Variants in EXD3 observed in about 807,000 individuals in gnomAD.
EXD3 encodes exonuclease mut-7 homolog.
In EXD3, 92 loss-of-function variants were observed where a neutral mutation model predicts 98.0. The ratio of observed to expected loss-of-function variants is 0.94; its 90% confidence interval spans 0.79 to 1.12. The LOEUF (loss-of-function observed/expected upper bound fraction) is 1.12, where lower values mean the gene tolerates loss of function less well. EXD3 is among the 50% of genes most tolerant of loss of function. EXD3 has a pLI of 0.00. For missense variants in EXD3, 1,222 were observed against 1,191.6 expected (o/e 1.03, Z -0.38); for synonymous variants, 569 against 526.0 (o/e 1.08, Z -1.12).
intron 2 of EXD3, among the ~76,000 whole-genome samples, chr9:137,386,644 T>A (rs1055208942): frequency 9.9e-5 from 15 of 152,022 alleles, no homozygotes; most frequent in African/African-American, 3.6e-4. Flanking sequence ...GCCTTGAGAG[T>A]CAAAGCCAGG....
At chr9:137,378,018 C>T (rs1836005710) in intron 3 of EXD3, among the ~76,000 whole-genome samples, 9 of 151,404 alleles carry the variant, frequency 5.9e-5, no homozygotes, top group Admixed American at 5.9e-4. Context: ...TGGTCTCAAA[C>T]TCCTGACCTC....
chr9:137,375,844 GA>G (rs1444807158), intron 3 of EXD3, among the ~76,000 whole-genome samples: 1 of 152,158 alleles, frequency 6.6e-6, no homozygotes, highest in African/African-American at 2.4e-5. Flanking sequence ...AGCTCACAAT[GA>G]AAACTTAGAA....
intron 19 of EXD3, among the ~76,000 whole-genome samples, chr9:137,321,677 C>T (rs762244158): frequency 3.9e-5 from 6 of 152,116 alleles, no homozygotes; most frequent in African/African-American, 4.8e-5. Context: ...AGTGAGACTC[C>T]GTCCCACCCC....
intron 3 of EXD3, among the ~76,000 whole-genome samples, chr9:137,374,100 C>T (rs183370973): frequency 4.6e-5 from 7 of 152,386 alleles, no homozygotes; most frequent in South Asian, 4.1e-4. Flanking sequence ...CTCTGGCTTC[C>T]GGAAGATTCT....
intron 4 of EXD3, 27 bp downstream of exon 4, chr9:137,373,399 T>A: frequency 6.3e-7 from 1 of 1,597,746 alleles, no homozygotes; most frequent in South Asian, 1.1e-5. Flanking sequence ...GGAAGGGAGG[T>A]GACTGTCACA....
chr9:137,308,868 A>G (rs1223559215), intron 20 of EXD3, among the ~76,000 whole-genome samples: 1 of 151,870 alleles, frequency 6.6e-6, no homozygotes, highest in African/African-American at 2.4e-5. Context: ...GATGGTCTCA[A>G]TCTCCTGATC....
chr9:137,317,883 G>T (rs1187147806), intron 19 of EXD3, among the ~76,000 whole-genome samples: 2 of 152,192 alleles, frequency 1.3e-5, no homozygotes, highest in Non-Finnish European at 2.9e-5. Flanking sequence ...CGCCACCTTA[G>T]GAGCAGGGAG....
chr9:137,349,539 G>C lies in EXD3; in HGVS notation c.1495-8C>G. 2 of 1,575,238 alleles carry C rather than the reference G, an allele frequency of 1.3e-6. No homozygotes were observed. The highest frequency in any genetic ancestry group is 1.7e-6 in the Non-Finnish European group (2 of 1,162,406). Reference sequence around the variant, plus strand: ...CACGCTCGCCACCCGCATCTGCTAAGACAGTGCCCTGCAGGGTAACGCGTC... The same window carrying C: ...CACGCTCGCCACCCGCATCTGCTAACACAGTGCCCTGCAGGGTAACGCGTC... On this transcript the variant is annotated splice_region_variant and splice_polypyrimidine_tract_variant and intron_variant, in intron 14 of 21. Transcript: ENST00000340951. This position sits in a 1 kb window ranked among gnomAD's most constrained non-coding sequence, Gnocchi z 7.4.
At chr9:137,380,778 T>G (rs1008589243) in intron 3 of EXD3, among the ~76,000 whole-genome samples, 8 of 119,620 alleles carry the variant, frequency 6.7e-5, no homozygotes, top group South Asian at 2.8e-4. Context: ...GCTGGGGGGG[T>G]CCCATGGGCT....
At chr9:137,373,675 A>T (rs1198406966) in intron 3 of EXD3, 76 bp from the exon 4 acceptor site, 2 of 1,408,578 alleles carry the variant, frequency 1.4e-6, no homozygotes, top group Non-Finnish European at 1.9e-6. Context: ...CACCGCAGAG[A>T]GGTTTTTTAA....
intron 17 of EXD3, among the ~76,000 whole-genome samples, chr9:137,330,176 C>A (rs1209099245): frequency 7.5e-6 from 1 of 134,190 alleles, no homozygotes; most frequent in Non-Finnish European, 1.5e-5. Context: ...ACCGGAGCTA[C>A]ACGGGACTAC....
chr9:137,389,570 G>A (rs1468572438), intron 2 of EXD3, among the ~76,000 whole-genome samples: 1 of 152,192 alleles, frequency 6.6e-6, no homozygotes, highest in Non-Finnish European at 1.5e-5. Flanking sequence ...GAGGGAAAGG[G>A]CGGTACCAGC....
chr9:137,325,781 A>G (rs913952340), intron 17 of EXD3, among the ~76,000 whole-genome samples: 85 of 152,198 alleles, frequency 5.6e-4, no homozygotes, highest in South Asian at 1.2e-3. Flanking sequence ...AAAACATCAG[A>G]GCTAATACTA....
chr9:137,377,842 G>A (rs1379847099), intron 3 of EXD3, among the ~76,000 whole-genome samples: 1 of 142,128 alleles, frequency 7.0e-6, no homozygotes, highest in South Asian at 2.2e-4. Context: ...CGCCCAGGCT[G>A]GAGTGCAGTG....
intron 7 of EXD3, among the ~76,000 whole-genome samples, chr9:137,356,697 T>C (rs1834808222): frequency 6.6e-6 from 1 of 152,226 alleles, no homozygotes; most frequent in Admixed American, 6.6e-5. Context: ...AATCAGCACC[T>C]TCCTCACTGG....
chr9:137,362,482 C>A (rs970285587), intron 7 of EXD3, among the ~76,000 whole-genome samples: 4 of 151,334 alleles, frequency 2.6e-5, no homozygotes, highest in African/African-American at 9.8e-5. Context: ...TCTAAACAAA[C>A]TAAGCATAGA....
At chr9:137,339,393 G>T (rs1370093581) in intron 17 of EXD3, among the ~76,000 whole-genome samples, 1 of 151,592 alleles carries the variant, frequency 6.6e-6, no homozygotes, top group Non-Finnish European at 1.5e-5. Context: ...GCCGGGTGAG[G>T]TGCCACATGC....
chr9:137,378,667 C>A (rs141244863), intron 3 of EXD3, among the ~76,000 whole-genome samples: 1 of 152,210 alleles, frequency 6.6e-6, no homozygotes, highest in African/African-American at 2.4e-5. Flanking sequence ...TACTCAGCCA[C>A]GGAAAAGGAG....
At chr9:137,402,552 T>C (rs1253859858) in intron 1 of EXD3, among the ~76,000 whole-genome samples, 2 of 152,220 alleles carry the variant, frequency 1.3e-5, no homozygotes, top group East Asian at 1.9e-4. Context: ...TTATTGTTCA[T>C]AACACTATCA....
Sources: allele counts gnomAD v4.1 joint callset (sites outside exome capture counted in the v4.1 genomes callset), GRCh38; gene constraint gnomAD v4.1.1; non-coding constraint Gnocchi (gnomAD v3.1); transcripts MANE v1.5; gene names NCBI Gene and HGNC (gene_info 2026-07-23, HGNC 2026-07-21).